ZFHX3: variants seen among roughly 807,000 people sequenced by gnomAD.
ZFHX3 encodes the protein zinc finger homeobox 3, also known as zinc finger homeobox protein 3.
ZFHX3 carries 42 observed loss-of-function variants against 279.1 expected under a neutral mutation model. That is an observed-to-expected ratio of 0.15 (90% CI 0.12 to 0.19). The LOEUF (loss-of-function observed/expected upper bound fraction) is 0.19, where lower values mean the gene tolerates loss of function less well. Among genes scored for constraint, ZFHX3 ranks in the 10% least tolerant of loss-of-function variants. The pLI is 1.00. For synonymous variants in ZFHX3, 2,293 were observed against 1,957.8 expected, an observed-to-expected ratio of 1.17 and a Z score of -4.52; for missense variants, 4,981 against 4,754.0, an observed-to-expected ratio of 1.05 and a Z score of -1.40.
rs539860899 is a variant in ZFHX3 at position 73,454,404 on chromosome 16, G to A, written c.-1291+1599C>T. Among the ~76,000 whole-genome samples, 7 of 152,146 alleles carry A rather than the reference G, an allele frequency of 4.6e-5. No individual in the cohort carries two copies. In the South Asian group the frequency reaches 6.2e-4, roughly 14 times the overall value. ...TAGTGGAAATTTTGAACCTGATGCC[G>A]ATCCCAAAGGAATAAATATCTCAAG... is the stretch of plus-strand genomic sequence containing the variant. On this transcript the variant is annotated intron_variant, in intron 3 of 17. Transcript: ENST00000641206.
At chr16:73,248,645 A>G (rs114569700) in intron 5 of ZFHX3, among the ~76,000 whole-genome samples, 3,052 of 149,102 alleles carry the variant, frequency 0.02, 112 homozygotes, top group African/African-American at 0.071. Context: ...TGGAGAATGT[A>G]TGTGTGTGTG....
At chr16:73,810,423 C>A (rs907496922) in intron 1 of ZFHX3, among the ~76,000 whole-genome samples, 1 of 152,068 alleles carries the variant, frequency 6.6e-6, no homozygotes, top group African/African-American at 2.4e-5. Context: ...GGTTATTAAC[C>A]TAGATAACCT....
At chr16:73,187,440 T>A (rs1967938985) in intron 5 of ZFHX3, among the ~76,000 whole-genome samples, 1 of 151,788 alleles carries the variant, frequency 6.6e-6, no homozygotes. Context: ...CCCCCTGCCC[T>A]CTCCTAACTA....
chr16:73,295,208 C>G (rs1408831091), intron 4 of ZFHX3, among the ~76,000 whole-genome samples: 1 of 152,050 alleles, frequency 6.6e-6, no homozygotes, highest in Non-Finnish European at 1.5e-5. Flanking sequence ...GAGCAGGACT[C>G]CGTCTCAAAA....
At position 73,741,029 on chromosome 16, in the gene ZFHX3, T is replaced by C. The variant is rs973466185; in HGVS notation, c.-1607-60789A>G. ...TTACCTGAATCAGCAAAAATGGGCC[T>C]TTTTTTTTTTTTTTTTTTTTGAGAC... On this transcript the variant is annotated intron_variant, in intron 1 of 17. Coordinates refer to the ZFHX3 transcript ENST00000641206. 3.0e-4 allele frequency among the ~76,000 whole-genome samples: 3 copies of C among 9,842 alleles called. No homozygotes were observed. In the South Asian group the frequency reaches 0.021, roughly 70 times the overall value. 6.5% of individuals were successfully genotyped at this position (9,842 alleles called of 152,430 possible).
chr16:72,794,502 T>C lies in ZFHX3; in HGVS notation c.8180A>G (p.Glu2727Gly), dbSNP rs1288369811. The C allele has an allele frequency of 6.2e-7, 1 of 1,614,168 alleles. No homozygotes were observed. The highest frequency in any genetic ancestry group is 8.5e-7 in the Non-Finnish European group (1 of 1,180,036). ...CCAGTGACGGGACCGGATATGAGCC[T>C]CAAGAGCAGTCTTGGCTTTGAAGAG... is the stretch of plus-strand genomic sequence containing the variant. Reference protein sequence around the residue: ...RALFKAKTALEAHIRSRHWHE... With the variant: ...RALFKAKTALGAHIRSRHWHE... The change falls in exon 9 of 10, where the codon GAG (glutamate) becomes GGG (glycine). Residue 2727 changes from glutamate to glycine, a missense_variant. This residue lies in a region of ZFHX3 where 744 missense variants were observed against 701.3 expected (regional missense o/e 1.06). Coordinates refer to ENST00000268489, the MANE Select transcript of ZFHX3 (RefSeq NM_006885.4). The surrounding 1 kb of genome is among the most constrained non-coding windows in gnomAD (Gnocchi z 4.2).
chr16:73,797,010 T>C (rs1378353021), intron 1 of ZFHX3, among the ~76,000 whole-genome samples: 2 of 151,632 alleles, frequency 1.3e-5, no homozygotes, highest in Non-Finnish European at 2.9e-5. Context: ...GAGACCAGCC[T>C]GGCCAACATG....
In ZFHX3 at chr16:73,330,868, C is replaced by T. The variant is rs61320198; in HGVS notation, c.-1290-12532G>A. On this transcript the variant is annotated intron_variant, in intron 3 of 17. Coordinates refer to the ZFHX3 transcript ENST00000641206. ...GGAAGAGTAACATCAACCCTATACTCATTGGTGGCTTTCTTCCTTTCTCTC... is the reference window on the plus strand; with the variant it reads ...GGAAGAGTAACATCAACCCTATACTTATTGGTGGCTTTCTTCCTTTCTCTC... 4.5e-3 allele frequency among the ~76,000 whole-genome samples: 686 copies of T among 152,284 alleles called. 7 individuals carry two copies. Among genetic ancestry groups the T allele is most frequent in the African/African-American group, 0.016 (654 of 41,558 alleles).
At chr16:73,591,741 A>ATGGGGAATCT (rs1419167670) in intron 2 of ZFHX3, among the ~76,000 whole-genome samples, 10 of 145,932 alleles carry the variant, frequency 6.9e-5, no homozygotes, top group African/African-American at 2.2e-4. Context: ...AAACGGAGGG[A>ATGGGGAATCT]TGGGGAATCT....
At chr16:73,335,072 C>T (rs1378654859) in intron 3 of ZFHX3, among the ~76,000 whole-genome samples, 3 of 151,948 alleles carry the variant, frequency 2.0e-5, no homozygotes, top group Non-Finnish European at 4.4e-5. Flanking sequence ...TTTTCAACAT[C>T]CAAAATGTGA....
At chr16:73,787,019 G>A (rs942729469) in intron 1 of ZFHX3, among the ~76,000 whole-genome samples, 1 of 152,116 alleles carries the variant, frequency 6.6e-6, no homozygotes, top group African/African-American at 2.4e-5. Flanking sequence ...TAGAATTTTA[G>A]TGACATTTCT....
intron 3 of ZFHX3, among the ~76,000 whole-genome samples, chr16:72,912,400 G>C (rs1376454598): frequency 6.6e-6 from 1 of 152,182 alleles, no homozygotes; most frequent in Non-Finnish European, 1.5e-5. Context: ...GGTATGAGTG[G>C]AAATAACATT....
chr16:73,619,500 TTA>T (rs1555528593), intron 2 of ZFHX3, among the ~76,000 whole-genome samples: 31 of 131,730 alleles, frequency 2.4e-4, no homozygotes, highest in African/African-American at 7.2e-4. Flanking sequence ...AAAAAAAAAA[TTA>T]TATATATATA....
chr16:73,767,404 C>T (rs94686), intron 1 of ZFHX3, among the ~76,000 whole-genome samples: 79,875 of 151,966 alleles, frequency 0.53, 22,279 homozygotes, highest in African/African-American at 0.73. Context: ...TGATGAGGAC[C>T]GCAGGTACCA....
chr16:73,178,157 C>CT lies in ZFHX3; in HGVS notation c.-1103-34327dup, dbSNP rs967804242. 4.6e-3 allele frequency among the ~76,000 whole-genome samples: 683 copies of CT among 148,842 alleles called. 6 individuals carry two copies. The highest frequency in any genetic ancestry group is 0.015 in the African/African-American group (612 of 40,664). ...AAATTCTAAATGTGGATGACTTTTTCTTTTTTTTTTGAGACAGGGTCTCAC... is the reference window on the plus strand; with the variant it reads ...AAATTCTAAATGTGGATGACTTTTTCTTTTTTTTTTTGAGACAGGGTCTCAC... On this transcript the variant is annotated intron_variant, in intron 5 of 17. Transcript: ENST00000641206.
intron 2 of ZFHX3, among the ~76,000 whole-genome samples, chr16:73,621,181 T>C (rs2052358000): frequency 6.6e-6 from 1 of 152,228 alleles, no homozygotes; most frequent in Non-Finnish European, 1.5e-5. Flanking sequence ...CCTGAGTCTT[T>C]ATCCCTTTTA....
At chr16:73,396,961 C>G (rs1260684037) in intron 3 of ZFHX3, among the ~76,000 whole-genome samples, 1 of 152,202 alleles carries the variant, frequency 6.6e-6, no homozygotes, top group East Asian at 1.9e-4. Context: ...CCGCCCAGAC[C>G]TTAACACTGA....
chr16:73,884,663 AAC>A lies in ZFHX3; in HGVS notation c.-1608+6986_-1608+6987del, dbSNP rs547291654. 3.0e-4 allele frequency among the ~76,000 whole-genome samples: 45 copies of A among 152,272 alleles called. No individual in the cohort carries two copies. The East Asian group carries it at 8.7e-3, about 29-fold the overall frequency. ...TGGCTTTCAGAGTCTTTATTCGCAA[AAC>A]ACAGACATTCCGAAATGCCTTTATT... On this transcript the variant is annotated intron_variant, in intron 1 of 17. Transcript: ENST00000641206.
At chr16:72,812,367 T>TG (rs1486251488) in intron 5 of ZFHX3, among the ~76,000 whole-genome samples, 1 of 142,222 alleles carries the variant, frequency 7.0e-6, no homozygotes, top group Non-Finnish European at 1.5e-5. Context: ...TGCTGGCTTG[T>TG]GGGGGGCAGT....
Sources: allele counts gnomAD v4.1 joint callset (sites outside exome capture counted in the v4.1 genomes callset), GRCh38; gene constraint gnomAD v4.1.1; regional missense constraint gnomAD v4.1.1; non-coding constraint Gnocchi (gnomAD v3.1); transcripts MANE v1.5; gene names NCBI Gene and HGNC (gene_info 2026-07-23, HGNC 2026-07-21).